The following PLXDC2 variants were observed in gnomAD, a reference collection of about 807,000 sequenced individuals.
The protein encoded by PLXDC2 is plexin domain-containing protein 2.
A neutral mutation model predicts 68.9 loss-of-function variants in PLXDC2; 40 were observed. The ratio of observed to expected loss-of-function variants is 0.58; its 90% confidence interval spans 0.45 to 0.76. The LOEUF (loss-of-function observed/expected upper bound fraction) is 0.76. Among genes scored for constraint, PLXDC2 ranks in the 30% least tolerant of loss-of-function variants. The pLI is 0.00. For missense variants in PLXDC2, 644 were observed against 661.9 expected (o/e 0.97, Z 0.30); for synonymous variants, 243 against 234.2 (o/e 1.04, Z -0.34).
chr10:19,961,682 C>A (rs1471033710), intron 1 of PLXDC2, among the ~76,000 whole-genome samples: 2 of 152,164 alleles, frequency 1.3e-5, no homozygotes, highest in African/African-American at 4.8e-5. Context: ...CCATTGATGA[C>A]TGGGTGGTAC....
chr10:19,854,600 T>G (rs538462184), intron 1 of PLXDC2, among the ~76,000 whole-genome samples: 1 of 152,344 alleles, frequency 6.6e-6, no homozygotes, highest in African/African-American at 2.4e-5. Flanking sequence ...ACCTAGATTT[T>G]TTTTTACATT....
intron 1 of PLXDC2, among the ~76,000 whole-genome samples, chr10:19,839,682 T>C (rs1030127978): frequency 6.6e-6 from 1 of 151,992 alleles, no homozygotes; most frequent in Admixed American, 6.6e-5. Context: ...GAATTCTTAG[T>C]ACCTGATCTG....
At chr10:20,189,476 C>CAT (rs59999548) in intron 9 of PLXDC2, among the ~76,000 whole-genome samples, 2,911 of 75,708 alleles carry the variant, frequency 0.038, 89 homozygotes, top group African/African-American at 0.078. Flanking sequence ...AAAGGTAGGC[C>CAT]ATATATATAT....
chr10:20,066,297 T>A (rs1836210264), intron 3 of PLXDC2, among the ~76,000 whole-genome samples: 1 of 152,212 alleles, frequency 6.6e-6, no homozygotes, highest in South Asian at 2.1e-4. Flanking sequence ...CCAAACATAT[T>A]TGAATACTTG....
At chr10:20,049,297 C>T (rs560932118) in intron 3 of PLXDC2, among the ~76,000 whole-genome samples, 49 of 152,188 alleles carry the variant, frequency 3.2e-4, no homozygotes, top group African/African-American at 1.2e-3. Flanking sequence ...TGAAAACTGG[C>T]ACAACACAAG....
intron 13 of PLXDC2, among the ~76,000 whole-genome samples, chr10:20,246,442 C>A (rs559141409): frequency 4.6e-4 from 70 of 152,296 alleles, no homozygotes; most frequent in African/African-American, 1.7e-3. Context: ...CTCTGCCTTC[C>A]GGGTTCAAGC....
At chr10:20,217,627 C>G in intron 11 of PLXDC2, 51 bp downstream of exon 11, 30 of 1,356,730 alleles carry the variant, frequency 2.2e-5, no homozygotes, top group Non-Finnish European at 2.9e-5. Flanking sequence ...TTTTTTTTCC[C>G]TGAAGGAAGG....
intron 1 of PLXDC2, among the ~76,000 whole-genome samples, chr10:19,989,884 T>C (rs938775438): frequency 4.0e-5 from 6 of 151,590 alleles, no homozygotes; most frequent in African/African-American, 1.5e-4. Flanking sequence ...CGAGTAGCTG[T>C]GATTGCAAGC....
At chr10:20,213,746 A>T (rs1162248133) in intron 10 of PLXDC2, among the ~76,000 whole-genome samples, 1 of 152,102 alleles carries the variant, frequency 6.6e-6, no homozygotes. Flanking sequence ...GAACAAGTAC[A>T]TGGGCATTTT....
At chr10:20,149,083 A>T (rs1589653731) in intron 6 of PLXDC2, among the ~76,000 whole-genome samples, 1 of 151,976 alleles carries the variant, frequency 6.6e-6, no homozygotes, top group African/African-American at 2.4e-5. Flanking sequence ...TTTTCTTTTA[A>T]TTTTTATTTC....
In PLXDC2 at chr10:19,856,144, T is replaced by C. The variant is rs555489749; in HGVS notation, c.112+38953T>C. On this transcript the variant is annotated intron_variant, in intron 1 of 13. Coordinates refer to ENST00000377252, the MANE Select transcript of PLXDC2 (RefSeq NM_032812.9). ...AATAAATTGGGTGCTATTTAAAAACTGGGTATGTCAGATTTTATAAATCAG... is the reference window on the plus strand; with the variant it reads ...AATAAATTGGGTGCTATTTAAAAACCGGGTATGTCAGATTTTATAAATCAG... Among the ~76,000 whole-genome samples the C allele has an allele frequency of 4.6e-5, 7 of 152,170 alleles. No individual in the cohort carries two copies. In the South Asian group the frequency reaches 1.5e-3, roughly 32 times the overall value.
intron 1 of PLXDC2, among the ~76,000 whole-genome samples, chr10:19,922,312 T>C (rs1833473667): frequency 6.6e-6 from 1 of 152,232 alleles, no homozygotes; most frequent in Middle Eastern, 3.2e-3. Context: ...GTTAAAAGCT[T>C]ATCGTAACTT....
chr10:20,176,568 T>C (rs1648648850), intron 7 of PLXDC2, among the ~76,000 whole-genome samples: 1 of 152,186 alleles, frequency 6.6e-6, no homozygotes, highest in Admixed American at 6.6e-5. Context: ...AGCAATCACA[T>C]TGTTATTCTC....
chr10:19,963,893 G>T (rs1834203077), intron 1 of PLXDC2, among the ~76,000 whole-genome samples: 1 of 151,944 alleles, frequency 6.6e-6, no homozygotes, highest in Non-Finnish European at 1.5e-5. Context: ...CCTGCCTGAA[G>T]TCAGAAATTG....
chr10:20,075,512 T>C (rs1409175023), intron 4 of PLXDC2, among the ~76,000 whole-genome samples: 1 of 152,140 alleles, frequency 6.6e-6, no homozygotes, highest in Non-Finnish European at 1.5e-5. Flanking sequence ...CTTTCACGAA[T>C]TTCATATTCA....
Position 20,285,916 on chromosome 10 carries a change from G to A in PLXDC2, c.*6097G>A, listed in dbSNP as rs1271925285. 5 of 152,080 alleles carry A rather than the reference G, an allele frequency of 3.3e-5. No individual in the cohort carries two copies. Among genetic ancestry groups the A allele is most frequent in the Non-Finnish European group, 7.4e-5 (5 of 68,014 alleles). The allele number at this position is 152,080 out of a possible 1,614,324, so 9.4% of individuals were successfully genotyped here. ...ATCATAACATGGTATTACTTCTTAA[G>A]GTTTTGATTAAGTTGATCTAGCCTC... On this transcript the variant is annotated 3_prime_UTR_variant, in exon 14 of 14. Transcript: ENST00000377252.
intron 9 of PLXDC2, among the ~76,000 whole-genome samples, chr10:20,200,157 G>C (rs1420631416): frequency 6.6e-6 from 1 of 151,218 alleles, no homozygotes; most frequent in Non-Finnish European, 1.5e-5. Flanking sequence ...AAAAAAAATA[G>C]TATTAAAGGG....
At chr10:19,865,421 T>C (rs979633165) in intron 1 of PLXDC2, among the ~76,000 whole-genome samples, 2 of 152,220 alleles carry the variant, frequency 1.3e-5, no homozygotes, top group South Asian at 4.1e-4. Flanking sequence ...TGCTTCATTT[T>C]GCAAACAGTG....
rs1435699649 is a variant in PLXDC2, at chr10:19,985,583, T to A, written c.113-16192T>A. 2.0e-5 allele frequency among the ~76,000 whole-genome samples: 3 copies of A among 152,222 alleles called. No homozygotes were observed. In the South Asian group the frequency reaches 6.2e-4, roughly 31 times the overall value. On this transcript the variant is annotated intron_variant, in intron 1 of 13. Transcript: ENST00000377252. ...CTCACCTGTCAGCCTAATTAAGTAC[T>A]TACTTTTCTTCTCTGAGTCCACTCT...
Sources: allele counts gnomAD v4.1 joint callset (sites outside exome capture counted in the v4.1 genomes callset), GRCh38; gene constraint gnomAD v4.1.1; transcripts MANE v1.5; gene names NCBI Gene and HGNC (gene_info 2026-07-23, HGNC 2026-07-21).